POLR1G: variants seen among roughly 807,000 people sequenced by gnomAD.
POLR1G encodes RNA polymerase I subunit G, also known as DNA-directed RNA polymerase I subunit RPA34.
Under a neutral mutation model 6.3 loss-of-function variants are expected in POLR1G, and 9 were observed. The ratio of observed to expected loss-of-function variants is 1.44; its 90% CI spans 0.87 to 2.51. POLR1G has a LOEUF of 2.51. POLR1G is among the 30% of genes most tolerant of loss of function. The pLI is 0.00. For synonymous variants in POLR1G, 248 were observed against 256.5 expected, an observed-to-expected ratio of 0.97 and a Z score of 0.32; for missense variants, 617 against 632.5, an observed-to-expected ratio of 0.98 and a Z score of 0.26.
In POLR1G at chr19:45,409,786, A is replaced by G; in HGVS notation, c.*285A>G. 1.4e-6 allele frequency: 1 copy of G among 734,862 alleles called. No individual in the cohort carries two copies. Among genetic ancestry groups the G allele is most frequent in the Non-Finnish European group, 2.5e-6 (1 of 394,544 alleles). The allele number at this position is 734,862 out of a possible 1,614,324, so 45.5% of individuals were successfully genotyped here. A position where few individuals can be genotyped will look rare whatever the true frequency, so the allele number is the denominator to read the frequency against. On this transcript the variant is annotated 3_prime_UTR_variant, in exon 3 of 3. Transcript: ENST00000309424. ...ATTAAAGGAGCTGTTTCCTGGGTAA[A>G]TCTAGAGTGGGGTTTTGGTTCTTTA...
rs374407868 is a variant in POLR1G at position 45,409,699 on chromosome 19, G to C, written c.*198G>C. On this transcript the variant is annotated 3_prime_UTR_variant, in exon 3 of 3. Coordinates refer to ENST00000309424, the MANE Select transcript of POLR1G (RefSeq NM_012099.3). The stretch of plus-strand genomic sequence containing the variant: ...ATCAGGGTACTTTCAAGAAGGGCTC[G>C]TGCAGGACATCAAACAGCCTCCGGG... The C allele has an allele frequency of 2.1e-6, 2 of 958,468 alleles. No homozygotes were observed. The highest frequency in any genetic ancestry group is 1.7e-5 in the Admixed American group (1 of 58,948). 59.4% of individuals were successfully genotyped at this position (958,468 alleles called of 1,614,324 possible). A position where few individuals can be genotyped will look rare whatever the true frequency, so the allele number is the denominator to read the frequency against.
chr19:45,408,751 C>G lies in POLR1G; in HGVS notation c.783C>G (p.Thr261=), dbSNP rs1317761990. Reference sequence around the variant, plus strand: ...GGAAGAAGCCCAAAGGGAAAGAAACCTTCGAGCCAGAAGACAAGACAGTGA... The same window carrying G: ...GGAAGAAGCCCAAAGGGAAAGAAACGTTCGAGCCAGAAGACAAGACAGTGA... ...KKRKKPKGKE[T]FEPEDKTVKQ... The change falls in exon 3 of 3, where the codon ACC becomes ACG. Residue 261 remains threonine (T), a synonymous_variant. Transcript: ENST00000309424. 6.2e-7 allele frequency: 1 copy of G among 1,613,670 alleles called. No individual in the cohort carries two copies. Among genetic ancestry groups the G allele is most frequent in the Non-Finnish European group, 8.5e-7 (1 of 1,179,968 alleles).
intron 1 of POLR1G, 91 bp from the exon 2 acceptor site, chr19:45,407,003 C>T: frequency 6.8e-6 from 10 of 1,481,016 alleles, no homozygotes; most frequent in Non-Finnish European, 9.1e-6. Flanking sequence ...GGAGTGCTCA[C>T]GAGGTTAAGA....
Position 45,406,653 on chromosome 19 carries a change from C to G in POLR1G, c.-44C>G, listed in dbSNP as rs1427278636. 6 of 1,545,562 alleles carry G rather than the reference C, an allele frequency of 3.9e-6. No homozygotes were observed. The highest frequency in any genetic ancestry group is 5.2e-6 in the Non-Finnish European group (6 of 1,144,608). On this transcript the variant is annotated 5_prime_UTR_variant, in exon 1 of 3. Transcript: ENST00000309424. This position sits in a 1 kb window ranked among gnomAD's most constrained non-coding sequence, Gnocchi z 4.2. ...GATCCACGTGGTCTGCAACCTGGTG[C>G]GAGCAGCCCGGGCTACAGGGTTGCC...
Position 45,407,150 on chromosome 19 carries a change from T to C in POLR1G, c.79T>C (p.Ser27Pro). ...TACCGCGAAGCCCCCAGCCTCAGAGTCCCCTCGTTTCTCCTTGGAGGCGCT... is the reference window on the plus strand; with the variant it reads ...TACCGCGAAGCCCCCAGCCTCAGAGCCCCCTCGTTTCTCCTTGGAGGCGCT... ...NFTAKPPASE[S>P]PRFSLEALTG... Residue 27 changes from serine to proline, a missense_variant, in exon 2 of 3, where the codon TCC becomes CCC. Transcript: ENST00000309424. 1 of 1,611,956 alleles carries C rather than the reference T, an allele frequency of 6.2e-7. No homozygotes were observed. The highest frequency in any genetic ancestry group is 8.5e-7 in the Non-Finnish European group (1 of 1,179,516).
chr19:45,406,899 G>A lies in POLR1G; in HGVS notation c.22+181G>A. The A allele has an allele frequency of 2.1e-6, 2 of 962,646 alleles. No homozygotes were observed. Among genetic ancestry groups the A allele is most frequent in the South Asian group, 1.8e-5 (1 of 56,214 alleles). 59.6% of individuals were successfully genotyped at this position (962,646 alleles called of 1,614,324 possible). ...GGTTATCTTGTGGGGGGCTACCCGT[G>A]GAGAGCAAGGCGCCCCCAGGGGTTG... On this transcript the variant is annotated intron_variant, in intron 1 of 2. Transcript: ENST00000309424. The surrounding 1 kb of genome is among the most constrained non-coding windows in gnomAD (Gnocchi z 4.2).
Position 45,408,353 on chromosome 19 carries a change from C to T in POLR1G, c.385C>T (p.Pro129Ser). 2.5e-6 allele frequency: 4 copies of T among 1,607,340 alleles called. No homozygotes were observed. Among genetic ancestry groups the T allele is most frequent in the Non-Finnish European group, 3.4e-6 (4 of 1,175,210 alleles). ...EGPQQSLSGS[P>S]LQPIPASPPP... is the part of the protein sequence containing the mutation. ...TCCCCAGCAATCCCTGTCAGGGAGC[C>T]CTCTGCAGCCCATCCCAGCAAGTCC... is the stretch of plus-strand genomic sequence containing the variant. The change falls in exon 3 of 3, where the codon CCT (proline) becomes TCT (serine). Residue 129 changes from proline to serine, a missense_variant. Physicochemically the swap from Pro to Ser is moderately conservative, Grantham distance 74. Transcript: ENST00000309424.
Position 45,407,190 on chromosome 19 carries a change from C to T in POLR1G, c.119C>T (p.Thr40Met). 1.9e-6 allele frequency: 3 copies of T among 1,613,282 alleles called. No individual in the cohort carries two copies. Among genetic ancestry groups the T allele is most frequent in the Non-Finnish European group, 1.7e-6 (2 of 1,179,778 alleles). ...TTGGAGGCGCTGACGGGTCCAGATA[C>T]GGAGCTGTGGCTTATTCAGGCCCCT... ...FSLEALTGPD[T>M]ELWLIQAPAD... Residue 40 changes from threonine to methionine, a missense_variant, in exon 2 of 3, where the codon ACG becomes ATG. Physicochemically the swap from Thr to Met is moderately conservative, Grantham distance 81. Coordinates refer to ENST00000309424, the MANE Select transcript of POLR1G (RefSeq NM_012099.3).
At chr19:45,407,415 GC>G (rs1973411744) in intron 2 of POLR1G, 180 bp downstream of exon 2, 1 of 579,520 alleles carries the variant, frequency 1.7e-6, no homozygotes, top group Admixed American at 3.6e-5. Flanking sequence ...GAAACCCACA[GC>G]CCTTTGTTAG....
At position 45,409,058 on chromosome 19, in the gene POLR1G, A is replaced by G. The variant is rs757913813; in HGVS notation, c.1090A>G (p.Met364Val). ...MKPLESPGGT[M>V]APQQPEGAKP... ...GCCTCTGGAGTCCCCAGGGGGGACC[A>G]TGGCGCCTCAACAGCCAGAAGGAGC... Residue 364 changes from methionine (M) to valine (V), a missense_variant, in exon 3 of 3, where the codon ATG becomes GTG. Transcript: ENST00000309424. The G allele has an allele frequency of 1.2e-6, 2 of 1,613,764 alleles. No homozygotes were observed. Among genetic ancestry groups the G allele is most frequent in the South Asian group, 2.2e-5 (2 of 91,066 alleles).
Position 45,409,328 on chromosome 19 carries a change from AG to A in POLR1G, c.1363del (p.Ala455GlnfsTer32), listed in dbSNP as rs1425269261. 6.2e-7 allele frequency: 1 copy of A among 1,614,130 alleles called. No individual in the cohort carries two copies. Among genetic ancestry groups the A allele is most frequent in the Admixed American group, 1.7e-5 (1 of 60,018 alleles). Reference sequence around the variant, plus strand: ...GCCAGGGGAGGGACAGCCTGAAGCCAGGGCAACTCCGGGATCCACCAAGAAG... The same window carrying A: ...GCCAGGGGAGGGACAGCCTGAAGCCAGGCAACTCCGGGATCCACCAAGAAG... Reference protein sequence around the residue: ...ELPGEGQPEARATPGSTKKRK... With the variant: ...ELPGEGQPEAXATPGSTKKRK... On this transcript the variant is annotated frameshift_variant, in exon 3 of 3. Transcript: ENST00000309424. LOFTEE classifies it low-confidence loss of function (END_TRUNC).
chr19:45,407,340 G>C, intron 2 of POLR1G, 105 bp downstream of exon 2: 2 of 1,127,388 alleles, frequency 1.8e-6, no homozygotes, highest in Non-Finnish European at 1.3e-6. Context: ...AGAGCACAGT[G>C]AAAGAAACAA....
Position 45,407,172 on chromosome 19 carries a change from C to T in POLR1G, c.101C>T (p.Ala34Val), listed in dbSNP as rs770088433. 17 of 1,612,972 alleles carry T rather than the reference C, an allele frequency of 1.1e-5. No homozygotes were observed. Among genetic ancestry groups the T allele is most frequent in the Middle Eastern group, 1.7e-4 (1 of 6,058 alleles). The change falls in exon 2 of 3, where the codon GCG becomes GTG. Residue 34 changes from alanine to valine, a missense_variant. Physicochemically the swap from Ala to Val is moderately conservative, Grantham distance 64. Coordinates refer to ENST00000309424, the MANE Select transcript of POLR1G (RefSeq NM_012099.3). ...GAGTCCCCTCGTTTCTCCTTGGAGG[C>T]GCTGACGGGTCCAGATACGGAGCTG... ...ASESPRFSLE[A>V]LTGPDTELWL...
chr19:45,408,248 C>T lies in POLR1G; in HGVS notation c.280C>T (p.Leu94=). The T allele has an allele frequency of 6.2e-7, 1 of 1,614,128 alleles. No individual in the cohort carries two copies. Among genetic ancestry groups the T allele is most frequent in the Non-Finnish European group, 8.5e-7 (1 of 1,180,002 alleles). The part of the protein sequence containing the change: ...SSCPQAGEAT[L]LAPSTEAGGG... ...CTGTCCCCAAGCTGGAGAAGCGACC[C>T]TGCTGGCCCCCTCAACGGAGGCAGG... Residue 94 remains leucine, a synonymous_variant, in exon 3 of 3, where the codon CTG becomes TTG. Coordinates refer to ENST00000309424, the MANE Select transcript of POLR1G (RefSeq NM_012099.3).
chr19:45,409,354 GAGGA>G lies in POLR1G; in HGVS notation c.1389_1392del (p.Lys464SerfsTer22). On this transcript the variant is annotated frameshift_variant, in exon 3 of 3. Coordinates refer to ENST00000309424, the MANE Select transcript of POLR1G (RefSeq NM_012099.3). LOFTEE classifies it low-confidence loss of function (END_TRUNC). The stretch of plus-strand genomic sequence containing the variant: ...GGGCAACTCCGGGATCCACCAAGAA[GAGGA>G]AGAAGCAGAGTCAGGAAAGCCGGAT... 1 of 1,614,154 alleles carries G rather than the reference GAGGA, an allele frequency of 6.2e-7. No individual in the cohort carries two copies.
rs1973385713 is a variant in POLR1G, at chr19:45,406,920, G to A, written c.23-174G>A. 1.5e-5 allele frequency: 15 copies of A among 1,010,304 alleles called. No individual in the cohort carries two copies. Among genetic ancestry groups the A allele is most frequent in the Non-Finnish European group, 1.8e-5 (13 of 707,536 alleles). The allele number at this position is 1,010,304 out of a possible 1,614,324, so 62.6% of individuals were successfully genotyped here. Reference sequence around the variant, plus strand: ...CCGTGGAGAGCAAGGCGCCCCCAGGGGTTGGATCGGTGAAATTGAGGTCGC... The same window carrying A: ...CCGTGGAGAGCAAGGCGCCCCCAGGAGTTGGATCGGTGAAATTGAGGTCGC... On this transcript the variant is annotated intron_variant, in intron 1 of 2. Transcript: ENST00000309424. The surrounding 1 kb of genome is among the most constrained non-coding windows in gnomAD (Gnocchi z 4.2).
At position 45,406,748 on chromosome 19, in the gene POLR1G, G is replaced by A; in HGVS notation, c.22+30G>A. On this transcript the variant is annotated intron_variant, in intron 1 of 2. Coordinates refer to ENST00000309424, the MANE Select transcript of POLR1G (RefSeq NM_012099.3). The surrounding 1 kb of genome is among the most constrained non-coding windows in gnomAD (Gnocchi z 4.2). ...GGGTGCGGGTTGACGGGGTGCGGAG[G>A]GTGCGTTGGTGGAAGGAGAAAGGGG... The A allele has an allele frequency of 6.6e-7, 1 of 1,512,638 alleles. No individual in the cohort carries two copies. Among genetic ancestry groups the A allele is most frequent in the South Asian group, 1.3e-5 (1 of 78,854 alleles). The allele number at this position is 1,512,638 out of a possible 1,614,324, so 93.7% of individuals were successfully genotyped here.
At position 45,408,827 on chromosome 19, in the gene POLR1G, A is replaced by G. The variant is rs372074228; in HGVS notation, c.859A>G (p.Thr287Ala). 6.2e-7 allele frequency: 1 copy of G among 1,614,096 alleles called. No homozygotes were observed. Among genetic ancestry groups the G allele is most frequent in the Non-Finnish European group, 8.5e-7 (1 of 1,180,026 alleles). ...TCTAGAAGACACAGTCCTGTCCCCG[A>G]CCAAAAAGAGAAAGAGGCAAAAGGG... Reference protein sequence around the residue: ...EPLEDTVLSPTKKRKRQKGTE... With the variant: ...EPLEDTVLSPAKKRKRQKGTE... The change falls in exon 3 of 3, where the codon ACC becomes GCC. Residue 287 changes from threonine (T) to alanine (A), a missense_variant. Physicochemically the swap from Thr to Ala is moderately conservative, Grantham distance 58. Coordinates refer to ENST00000309424, the MANE Select transcript of POLR1G (RefSeq NM_012099.3).
chr19:45,406,956 C>T lies in POLR1G; in HGVS notation c.23-138C>T. 2 of 1,243,944 alleles carry T rather than the reference C, an allele frequency of 1.6e-6. No homozygotes were observed. The highest frequency in any genetic ancestry group is 1.5e-5 in the South Asian group (1 of 64,978). The allele number at this position is 1,243,944 out of a possible 1,614,324, so 77.1% of individuals were successfully genotyped here. On this transcript the variant is annotated intron_variant, in intron 1 of 2. Coordinates refer to ENST00000309424, the MANE Select transcript of POLR1G (RefSeq NM_012099.3). The surrounding 1 kb of genome is among the most constrained non-coding windows in gnomAD (Gnocchi z 4.2). Reference sequence around the variant, plus strand: ...TGAAATTGAGGTCGCCCCTGGGGAACAGGTGGGCAGAAAGGAGAAACCAGG... The same window carrying T: ...TGAAATTGAGGTCGCCCCTGGGGAATAGGTGGGCAGAAAGGAGAAACCAGG...
Sources: allele counts gnomAD v4.1 joint callset, GRCh38; gene constraint gnomAD v4.1.1; non-coding constraint Gnocchi (gnomAD v3.1); transcripts MANE v1.5; gene names NCBI Gene and HGNC (gene_info 2026-07-23, HGNC 2026-07-21).